Variants in NT5E observed in about 807,000 individuals in gnomAD.
NT5E encodes the protein 5'-nucleotidase.
A neutral mutation model predicts 55.1 loss-of-function variants in NT5E; 53 were observed. That is an observed-to-expected ratio of 0.96 (90% CI 0.77 to 1.21). The LOEUF is 1.21. NT5E is among the 50% of genes most tolerant of loss of function. The probability of loss-of-function intolerance (pLI) is 0.00; values close to 1 mark genes in which losing one functional copy is unlikely to be tolerated. For synonymous variants in NT5E, 270 were observed against 278.4 expected (o/e 0.97, Z 0.30); for missense variants, 683 against 724.3 (o/e 0.94, Z 0.65).
Position 85,456,124 on chromosome 6 carries a change from C to T in NT5E, c.339+5646C>T, listed in dbSNP as rs190062074. Reference sequence around the variant, plus strand: ...AGTGAATTAATCAATCATGCCTTCACGATAAACCTTCATGAAGACCCCTAA... The same window carrying T: ...AGTGAATTAATCAATCATGCCTTCATGATAAACCTTCATGAAGACCCCTAA... On this transcript the variant is annotated intron_variant, in intron 1 of 8. Coordinates refer to ENST00000257770, the MANE Select transcript of NT5E (RefSeq NM_002526.4). 2.3e-3 allele frequency among the ~76,000 whole-genome samples: 348 copies of T among 152,270 alleles called. 2 individuals are homozygous for T. Among genetic ancestry groups the T allele is most frequent in the Non-Finnish European group, 1.8e-3 (123 of 68,032 alleles).
In NT5E at chr6:85,450,915, A is replaced by G. The variant is rs1251233001; in HGVS notation, c.339+437A>G. Reference sequence around the variant, plus strand: ...AGGGAAACCGCGTCGAAGAAGCTGAATAAATTAACAGGCACCATCCCCGCA... The same window carrying G: ...AGGGAAACCGCGTCGAAGAAGCTGAGTAAATTAACAGGCACCATCCCCGCA... On this transcript the variant is annotated intron_variant, in intron 1 of 8. Coordinates refer to ENST00000257770, the MANE Select transcript of NT5E (RefSeq NM_002526.4). The surrounding 1 kb of genome is among the most constrained non-coding windows in gnomAD (Gnocchi z 4.0). Among the ~76,000 whole-genome samples, 1 of 152,226 alleles carries G rather than the reference A, an allele frequency of 6.6e-6. No homozygotes were observed. Among genetic ancestry groups the G allele is most frequent in the Non-Finnish European group, 1.5e-5 (1 of 68,030 alleles).
At chr6:85,468,481 G>C (rs997294862) in intron 2 of NT5E, among the ~76,000 whole-genome samples, 1 of 152,218 alleles carries the variant, frequency 6.6e-6, no homozygotes, top group Admixed American at 6.5e-5. Flanking sequence ...TCACAAGCTA[G>C]GATGCAGGCT....
chr6:85,465,782 A>G (rs934800494), intron 1 of NT5E, among the ~76,000 whole-genome samples: 1 of 152,226 alleles, frequency 6.6e-6, no homozygotes, highest in Non-Finnish European at 1.5e-5. Flanking sequence ...AGGAGCACTC[A>G]TATAGTCAGG....
chr6:85,490,797 T>C (rs1769766963), intron 7 of NT5E, 140 bp downstream of exon 7: 1 of 886,074 alleles, frequency 1.1e-6, no homozygotes, highest in African/African-American at 1.6e-5. Flanking sequence ...TACCTTACCC[T>C]TTAATGGCTG....
At position 85,494,408 on chromosome 6, in the gene NT5E, G is replaced by A. The variant is rs1043520179; in HGVS notation, c.*404G>A. ...ATTTGATATCCACAACTTATTTTTG[G>A]TAGGAAAGAGAGATGTTTTTCCCAC... On this transcript the variant is annotated 3_prime_UTR_variant, in exon 9 of 9. Coordinates refer to ENST00000257770, the MANE Select transcript of NT5E (RefSeq NM_002526.4). 8 of 183,704 alleles carry A rather than the reference G, an allele frequency of 4.4e-5. No individual in the cohort carries two copies. The highest frequency in any genetic ancestry group is 2.8e-4 in the Admixed American group (5 of 18,046). The allele number at this position is 183,704 out of a possible 1,614,324, so 11.4% of individuals were successfully genotyped here. A position where few individuals can be genotyped will look rare whatever the true frequency, so the allele number is the denominator to read the frequency against.
intron 3 of NT5E, among the ~76,000 whole-genome samples, chr6:85,484,193 G>A (rs773601949): frequency 5.3e-5 from 8 of 152,200 alleles, no homozygotes; most frequent in Non-Finnish European, 1.2e-4. Flanking sequence ...GACTAGCCAT[G>A]GGTGTGATGA....
In NT5E at chr6:85,485,265, G is replaced by A; in HGVS notation, c.782G>A (p.Gly261Glu). ...GNPPSKEVPA[G>E]KYPFIVTSDD... ...CCACCTTCCAAAGAGGTGCCTGCTG[G>A]GAAGTACCCATTCATAGTCACTTCT... is the stretch of plus-strand genomic sequence containing the variant. Residue 261 changes from glycine to glutamate, a missense_variant, in exon 4 of 9, where the codon GGG (glycine) becomes GAG (glutamate). By Grantham distance (98) the Gly-to-Glu change is moderately conservative. Transcript: ENST00000257770. 1 of 1,614,138 alleles carries A rather than the reference G, an allele frequency of 6.2e-7. No homozygotes were observed. The highest frequency in any genetic ancestry group is 8.5e-7 in the Non-Finnish European group (1 of 1,180,020).
At chr6:85,479,573 A>C (rs995812205) in intron 3 of NT5E, among the ~76,000 whole-genome samples, 1 of 152,232 alleles carries the variant, frequency 6.6e-6, no homozygotes, top group Non-Finnish European at 1.5e-5. Context: ...ACAGCCTTTC[A>C]CACAGCAGTA....
Position 85,494,403 on chromosome 6 carries a change from T to A in NT5E, c.*399T>A, listed in dbSNP as rs756697669. 4.3e-5 allele frequency: 8 copies of A among 186,644 alleles called. No homozygotes were observed. The highest frequency in any genetic ancestry group is 7.9e-5 in the Non-Finnish European group (7 of 88,724). 11.6% of individuals were successfully genotyped at this position (186,644 alleles called of 1,614,324 possible). On this transcript the variant is annotated 3_prime_UTR_variant, in exon 9 of 9. Coordinates refer to ENST00000257770, the MANE Select transcript of NT5E (RefSeq NM_002526.4). ...GTCTCATTTGATATCCACAACTTAT[T>A]TTTGGTAGGAAAGAGAGATGTTTTT...
rs1769483882 is a variant in NT5E, at chr6:85,478,699, T to A, written c.752-6536T>A. Among the ~76,000 whole-genome samples, 4 of 151,608 alleles carry A rather than the reference T, an allele frequency of 2.6e-5. No homozygotes were observed. In the South Asian group the frequency reaches 8.3e-4, roughly 31 times the overall value. The stretch of plus-strand genomic sequence containing the variant: ...TATATGAACAAAATATATAAATATG[T>A]CTATATTAGACATATATGATCTGTT... On this transcript the variant is annotated intron_variant, in intron 3 of 8. Transcript: ENST00000257770.
At chr6:85,484,863 G>A (rs1769617158) in intron 3 of NT5E, among the ~76,000 whole-genome samples, 1 of 152,184 alleles carries the variant, frequency 6.6e-6, no homozygotes, top group Admixed American at 6.5e-5. Context: ...TATAGGCAAG[G>A]AAACTGAACT....
chr6:85,468,276 G>A (rs1307370631), intron 2 of NT5E, among the ~76,000 whole-genome samples: 1 of 152,198 alleles, frequency 6.6e-6, no homozygotes, highest in East Asian at 1.9e-4. Flanking sequence ...CCTGCAGCTG[G>A]CATAGAGGCA....
At chr6:85,459,415 A>G (rs540219878) in intron 1 of NT5E, among the ~76,000 whole-genome samples, 1 of 152,242 alleles carries the variant, frequency 6.6e-6, no homozygotes, top group Non-Finnish European at 1.5e-5. Context: ...ATGTGGAACA[A>G]AAAAATTCTT....
In NT5E at chr6:85,486,495, C is replaced by T. The variant is rs546604681; in HGVS notation, c.950-840C>T. Among the ~76,000 whole-genome samples, 15 of 152,162 alleles carry T rather than the reference C, an allele frequency of 9.9e-5. No homozygotes were observed. The East Asian group carries it at 1.9e-3, about 20-fold the overall frequency. On this transcript the variant is annotated intron_variant, in intron 4 of 8. Transcript: ENST00000257770. Reference sequence around the variant, plus strand: ...ATCTTATCCATATGGACAGGCCCCCCCCATGCGTCCGTTTATAGGCTCCCC... The same window carrying T: ...ATCTTATCCATATGGACAGGCCCCCTCCATGCGTCCGTTTATAGGCTCCCC...
At position 85,493,891 on chromosome 6, in the gene NT5E, A is replaced by G. The variant is rs766281147; in HGVS notation, c.1612A>G (p.Ile538Val). 1 of 1,614,060 alleles carries G rather than the reference A, an allele frequency of 6.2e-7. No individual in the cohort carries two copies. The highest frequency in any genetic ancestry group is 8.5e-7 in the Non-Finnish European group (1 of 1,179,950). Reference protein sequence around the residue: ...VSTYISKMKVIYPAVEGRIKF... With the variant: ...VSTYISKMKVVYPAVEGRIKF... ...TACATATATCTCCAAAATGAAAGTA[A>G]TTTATCCAGCAGTTGAAGGTCGGAT... Residue 538 changes from isoleucine (I) to valine (V), a missense_variant, in exon 9 of 9, where the codon ATT becomes GTT. Coordinates refer to ENST00000257770, the MANE Select transcript of NT5E (RefSeq NM_002526.4).
At chr6:85,473,912 C>G (rs960453832) in intron 3 of NT5E, among the ~76,000 whole-genome samples, 2 of 152,208 alleles carry the variant, frequency 1.3e-5, no homozygotes, top group Non-Finnish European at 2.9e-5. Context: ...TTAATCAATG[C>G]TGTCTTACAG....
intron 3 of NT5E, among the ~76,000 whole-genome samples, chr6:85,472,927 A>G (rs914379645): frequency 6.6e-6 from 1 of 152,158 alleles, no homozygotes; most frequent in Non-Finnish European, 1.5e-5. Flanking sequence ...TTGACAGATA[A>G]GACTAAAATA....
chr6:85,454,105 C>T (rs1400200854), intron 1 of NT5E, among the ~76,000 whole-genome samples: 1 of 152,152 alleles, frequency 6.6e-6, no homozygotes, highest in Non-Finnish European at 1.5e-5. Flanking sequence ...GTATTTTACC[C>T]ATCTGCTCCC....
At chr6:85,475,806 C>T (rs1769422758) in intron 3 of NT5E, among the ~76,000 whole-genome samples, 1 of 152,124 alleles carries the variant, frequency 6.6e-6, no homozygotes, top group Non-Finnish European at 1.5e-5. Context: ...GTTTCTATAG[C>T]CGCAAGTTAA....
Sources: allele counts gnomAD v4.1 joint callset (sites outside exome capture counted in the v4.1 genomes callset), GRCh38; gene constraint gnomAD v4.1.1; non-coding constraint Gnocchi (gnomAD v3.1); transcripts MANE v1.5; gene names NCBI Gene and HGNC (gene_info 2026-07-23, HGNC 2026-07-21).